Variants in FBXW7 observed in about 807,000 individuals in gnomAD.
The protein encoded by FBXW7 is F-box/WD repeat-containing protein 7.
FBXW7 carries 11 observed loss-of-function variants against 86.3 expected under a neutral mutation model. The ratio of observed to expected loss-of-function variants is 0.13; its 90% CI spans 0.08 to 0.21. FBXW7 has a LOEUF of 0.21. FBXW7 is among the 10% of genes least tolerant of loss of function. The pLI is 1.00. For synonymous variants in FBXW7, 313 were observed against 297.9 expected (o/e 1.05, Z -0.52); for missense variants, 488 against 847.4 (o/e 0.58, Z 5.27).
chr4:152,426,913 C>A (rs1739440666), intron 2 of FBXW7, among the ~76,000 whole-genome samples: 1 of 152,168 alleles, frequency 6.6e-6, no homozygotes, highest in Admixed American at 6.5e-5. Context: ...CAAGAAATCT[C>A]AGAAAACTAT....
intron 12 of FBXW7, chr4:152,325,148 G>A (rs1247780487): frequency 5.9e-5 from 9 of 152,056 alleles, no homozygotes; most frequent in Admixed American, 4.6e-4. Flanking sequence ...TCAGAAACAG[G>A]TGCAGCCAAT....
chr4:152,475,277 C>T (rs899587866), intron 2 of FBXW7, among the ~76,000 whole-genome samples: 2 of 151,844 alleles, frequency 1.3e-5, no homozygotes, highest in South Asian at 2.1e-4. Flanking sequence ...AAATAAAAAA[C>T]TTAGCCAGGC....
chr4:152,325,596 G>C (rs1728947688), intron 12 of FBXW7: 1 of 171,296 alleles, frequency 5.8e-6, no homozygotes, highest in Non-Finnish European at 1.3e-5. Flanking sequence ...CACTTTGAAT[G>C]GGGATGGAAT....
chr4:152,465,912 A>G (rs999353503), intron 2 of FBXW7, among the ~76,000 whole-genome samples: 3 of 152,120 alleles, frequency 2.0e-5, no homozygotes, highest in African/African-American at 7.2e-5. Flanking sequence ...TTAGCCAATG[A>G]ACACCATGAT....
chr4:152,389,780 C>CT (rs1278941426), intron 4 of FBXW7, among the ~76,000 whole-genome samples: 1 of 151,974 alleles, frequency 6.6e-6, no homozygotes, highest in Non-Finnish European at 1.5e-5. Context: ...TATTACAGCT[C>CT]TAATAATATT....
chr4:152,473,081 A>T (rs1229313576), intron 2 of FBXW7, among the ~76,000 whole-genome samples: 2 of 152,148 alleles, frequency 1.3e-5, no homozygotes. Flanking sequence ...TCTATGAAAA[A>T]TACATCTTTT....
intron 2 of FBXW7, among the ~76,000 whole-genome samples, chr4:152,414,996 C>T (rs961636769): frequency 1.3e-5 from 2 of 152,064 alleles, no homozygotes; most frequent in African/African-American, 4.8e-5. Flanking sequence ...GTATTTTAGA[C>T]AACTTTCTCA....
intron 2 of FBXW7, among the ~76,000 whole-genome samples, chr4:152,491,211 C>A (rs1274637534): frequency 6.6e-6 from 1 of 152,136 alleles, no homozygotes; most frequent in Non-Finnish European, 1.5e-5. Context: ...CTCTCACATT[C>A]ATACATTTTA....
At position 152,320,839 on chromosome 4, in the gene FBXW7, C is replaced by T. The variant is rs527489447; in HGVS notation, c.*2042G>A. 7.9e-5 allele frequency: 12 copies of T among 152,220 alleles called. No individual in the cohort carries two copies. Among genetic ancestry groups the T allele is most frequent in the Non-Finnish European group, 1.6e-4 (11 of 68,012 alleles). The allele number at this position is 152,220 out of a possible 1,614,324, so 9.4% of individuals were successfully genotyped here. A position where few individuals can be genotyped will look rare whatever the true frequency, so the allele number is the denominator to read the frequency against. On this transcript the variant is annotated 3_prime_UTR_variant, in exon 14 of 14. Transcript: ENST00000281708. ...TCTTTAAGATGGGAGATAATAGTGCCTACTTCTCAGGGATAGTGGGAGCTT... is the reference window on the plus strand; with the variant it reads ...TCTTTAAGATGGGAGATAATAGTGCTTACTTCTCAGGGATAGTGGGAGCTT...
intron 4 of FBXW7, among the ~76,000 whole-genome samples, chr4:152,355,533 T>A (rs991432452): frequency 1.3e-5 from 2 of 152,158 alleles, no homozygotes; most frequent in Non-Finnish European, 1.5e-5. Context: ...AATTACTATT[T>A]CACTATATTA....
intron 2 of FBXW7, among the ~76,000 whole-genome samples, chr4:152,461,349 T>A (rs1742925305): frequency 6.6e-6 from 1 of 152,226 alleles, no homozygotes; most frequent in African/African-American, 2.4e-5. Flanking sequence ...AGTATCTGTT[T>A]CTCTGTTTTG....
At position 152,326,011 on chromosome 4, in the gene FBXW7, A is replaced by G; in HGVS notation, c.1639T>C (p.Leu547=). The change falls in exon 12 of 14, where the codon TTA becomes CTA. Residue 547 remains leucine (L), a synonymous_variant. Coordinates refer to ENST00000281708, the MANE Select transcript of FBXW7 (RefSeq NM_001349798.2). ...LQGHTNRVYS[L]QFDGIHVVSG... is the part of the protein sequence containing the mutation. ...GGAGAGATAAGAGATCTTACCTGTA[A>G]TGAATAGACTCTATTAGTATGCCCC... The G allele has an allele frequency of 6.2e-7, 1 of 1,612,308 alleles. No individual in the cohort carries two copies. Among genetic ancestry groups the G allele is most frequent in the Non-Finnish European group, 8.5e-7 (1 of 1,178,676 alleles).
Position 152,332,656 on chromosome 4 carries a change from G to T in FBXW7, c.925C>A (p.Arg309Ser). Residue 309 changes from arginine to serine, a missense_variant, in exon 8 of 14, where the codon CGC (arginine) becomes AGC (serine). Arg to Ser is a moderately radical substitution (Grantham distance 110, BLOSUM62 -1). Coordinates refer to ENST00000281708, the MANE Select transcript of FBXW7 (RefSeq NM_001349798.2). The part of the protein sequence containing the change: ...KDLLQAAQTC[R>S]YWRILAEDNL... Reference sequence around the variant, plus strand: ...TCTTCAGCCAAAATTCTCCAGTAGCGACATGTCTGAGCTGCTTGTAGCAGG... The same window carrying T: ...TCTTCAGCCAAAATTCTCCAGTAGCTACATGTCTGAGCTGCTTGTAGCAGG... 6.2e-7 allele frequency: 1 copy of T among 1,606,246 alleles called. No individual in the cohort carries two copies. Among genetic ancestry groups the T allele is most frequent in the South Asian group, 1.1e-5 (1 of 90,730 alleles).
chr4:152,405,095 T>TAAAA (rs11394424), intron 4 of FBXW7, among the ~76,000 whole-genome samples: 793 of 78,924 alleles, frequency 0.01, 7 homozygotes, highest in Middle Eastern at 0.036. Context: ...GACCTTGTCT[T>TAAAA]AAAAAAAAAA....
intron 7 of FBXW7, among the ~76,000 whole-genome samples, chr4:152,334,133 C>T (rs1446153835): frequency 6.6e-6 from 1 of 152,068 alleles, no homozygotes; most frequent in African/African-American, 2.4e-5. Context: ...CAAAATACTC[C>T]AACCAGCCAA....
intron 2 of FBXW7, among the ~76,000 whole-genome samples, chr4:152,526,057 A>G (rs916293217): frequency 6.6e-6 from 1 of 152,118 alleles, no homozygotes; most frequent in Non-Finnish European, 1.5e-5. Flanking sequence ...AATGAGTAAT[A>G]TTGAGCTTTC....
chr4:152,465,774 G>A (rs1743362727), intron 2 of FBXW7, among the ~76,000 whole-genome samples: 1 of 151,110 alleles, frequency 6.6e-6, no homozygotes, highest in African/African-American at 2.4e-5. Context: ...AACCCAGGAG[G>A]CAGAGGTTGC....
intron 2 of FBXW7, among the ~76,000 whole-genome samples, chr4:152,520,234 C>A (rs1343631503): frequency 6.6e-6 from 1 of 151,436 alleles, no homozygotes; most frequent in Non-Finnish European, 1.5e-5. Context: ...GAGATCGAGA[C>A]CATCCTGGCT....
At chr4:152,472,908 G>A (rs1744084865) in intron 2 of FBXW7, among the ~76,000 whole-genome samples, 3 of 151,750 alleles carry the variant, frequency 2.0e-5, no homozygotes, top group Admixed American at 2.0e-4. Flanking sequence ...ATTATATAAA[G>A]GTAAATTAAA....
Sources: gnomAD v4.1 joint callset for allele counts (sites outside exome capture counted in the v4.1 genomes callset) on GRCh38, gnomAD v4.1.1 for gene constraint, MANE v1.5 for transcripts, NCBI Gene and HGNC (gene_info 2026-07-23, HGNC 2026-07-21) for gene names.